The following COG4 variants were observed in gnomAD, a reference collection of about 807,000 sequenced individuals.
COG4 encodes the protein conserved oligomeric Golgi complex subunit 4.
COG4 carries 65 observed loss-of-function variants against 95.1 expected under a neutral mutation model. That is an observed-to-expected ratio of 0.68 (90% CI 0.56 to 0.84). COG4 has a LOEUF of 0.84. Ranked by LOEUF, COG4 falls within the 40% of genes least tolerant of loss-of-function variation. The pLI, the probability that COG4 is intolerant of heterozygous loss-of-function variation, is 0.00. For synonymous variants in COG4, 421 were observed against 374.8 expected, an observed-to-expected ratio of 1.12 and a Z score of -1.42; for missense variants, 1,045 against 989.1, an observed-to-expected ratio of 1.06 and a Z score of -0.76.
intron 1 of COG4, among the ~76,000 whole-genome samples, chr16:70,522,561 C>A (rs998303313): frequency 4.6e-5 from 7 of 152,220 alleles, no homozygotes; most frequent in Non-Finnish European, 1.0e-4. Context: ...AAGATATCAA[C>A]GATCACCTCT....
chr16:70,486,203 C>T (rs2049132355), intron 13 of COG4, among the ~76,000 whole-genome samples: 1 of 152,034 alleles, frequency 6.6e-6, no homozygotes, highest in South Asian at 2.1e-4. Context: ...CCCAGAATGC[C>T]TGTTTCTAAT....
At chr16:70,517,857 G>A (rs900360144) in intron 2 of COG4, 117 bp from the exon 3 acceptor site, 7 of 718,080 alleles carry the variant, frequency 9.7e-6, no homozygotes, top group Non-Finnish European at 1.8e-5. Flanking sequence ...GTAACTCTTA[G>A]CTCAGTTTGC....
rs752745532 is a variant in COG4 at position 70,497,368 on chromosome 16, T to C, written c.1334A>G (p.Tyr445Cys). The C allele has an allele frequency of 2.5e-5, 41 of 1,613,662 alleles. No homozygotes were observed. Among genetic ancestry groups the C allele is most frequent in the Non-Finnish European group, 2.7e-5 (32 of 1,180,016 alleles). ...TVNKAVALDT[Y>C]EKGQLTSSMV... is the part of the protein sequence containing the mutation. The stretch of plus-strand genomic sequence containing the variant: ...GCTGGATGTCAGCTGGCCCTTCTCA[T>C]AGGTGTCCAGAGCCACAGCCTACCC... Residue 445 changes from tyrosine to cysteine, a missense_variant, in exon 11 of 19, where the codon TAT (tyrosine) becomes TGT (cysteine). By Grantham distance (194) the Tyr-to-Cys change is radical. Transcript: ENST00000323786.
intron 2 of COG4, among the ~76,000 whole-genome samples, chr16:70,518,645 A>G (rs2049873748): frequency 6.6e-6 from 1 of 152,096 alleles, no homozygotes; most frequent in Non-Finnish European, 1.5e-5. Flanking sequence ...CAGCCAGGGA[A>G]CAATTTTTAT....
At chr16:70,491,168 A>G (rs1051965366) in intron 12 of COG4, among the ~76,000 whole-genome samples, 2 of 152,158 alleles carry the variant, frequency 1.3e-5, no homozygotes, top group African/African-American at 4.8e-5. Context: ...ATACCCCCAT[A>G]GAACACGTAT....
intron 1 of COG4, among the ~76,000 whole-genome samples, chr16:70,520,253 G>A (rs2049906993): frequency 6.6e-6 from 1 of 152,006 alleles, no homozygotes; most frequent in African/African-American, 2.4e-5. Context: ...GGATAACACG[G>A]TGAAACCCTG....
intron 3 of COG4, among the ~76,000 whole-genome samples, chr16:70,516,366 G>A (rs967083644): frequency 1.1e-4 from 16 of 150,932 alleles, no homozygotes; most frequent in East Asian, 3.9e-4. Flanking sequence ...GCGCCATCTC[G>A]GCTCACTGTA....
chr16:70,495,397 C>CAAAAAACAAAAAAAAAAAA (rs2049320524), intron 12 of COG4, among the ~76,000 whole-genome samples: 1 of 111,330 alleles, frequency 9.0e-6, no homozygotes, highest in African/African-American at 3.5e-5. Context: ...GACTCCATCT[C>CAAAAAACAAAAAAAAAAAA]AAAAAAAAAA....
At chr16:70,515,104 C>G (rs1237688893) in intron 3 of COG4, among the ~76,000 whole-genome samples, 1 of 151,734 alleles carries the variant, frequency 6.6e-6, no homozygotes, top group Non-Finnish European at 1.5e-5. Flanking sequence ...CAACCTCTGC[C>G]TCCTGGGTTC....
At position 70,482,325 on chromosome 16, in the gene COG4, C is replaced by G. The variant is rs9933510; in HGVS notation, c.1921-150G>C. 0.053 allele frequency: 37,170 copies of G among 707,098 alleles called. 9,124 individuals are homozygous for G. The African/African-American group carries it at 0.55, about 10-fold the overall frequency. The allele number at this position is 707,098 out of a possible 1,614,324, so 43.8% of individuals were successfully genotyped here. ...TCTAGTTTAAAACCAGCTCAGACACCCAGGCTGGCAGAAACTGACCAGCAA... is the reference window on the plus strand; with the variant it reads ...TCTAGTTTAAAACCAGCTCAGACACGCAGGCTGGCAGAAACTGACCAGCAA... On this transcript the variant is annotated intron_variant, in intron 15 of 18. Coordinates refer to ENST00000323786, the MANE Select transcript of COG4 (RefSeq NM_015386.3).
chr16:70,482,072 TCCCTAGGGC>T lies in COG4; in HGVS notation c.2004+11_2004+19del. The T allele has an allele frequency of 6.3e-7, 1 of 1,594,844 alleles. No homozygotes were observed. Among genetic ancestry groups the T allele is most frequent in the Non-Finnish European group, 8.6e-7 (1 of 1,162,588 alleles). On this transcript the variant is annotated intron_variant, in intron 16 of 18. Coordinates refer to ENST00000323786, the MANE Select transcript of COG4 (RefSeq NM_015386.3). ...TGACGTGGGTAATTCCCTAAGTGGATCCCTAGGGCCCCTGCTCACCTTGAACTCTGCCAT... is the reference window on the plus strand; with the variant it reads ...TGACGTGGGTAATTCCCTAAGTGGATCCCTGCTCACCTTGAACTCTGCCAT...
intron 11 of COG4, 85 bp from the exon 12 acceptor site, chr16:70,496,516 A>T: frequency 1.5e-6 from 2 of 1,374,094 alleles, no homozygotes; most frequent in East Asian, 2.3e-5. Context: ...ACTCTGACCC[A>T]GCAGCACAAG....
intron 8 of COG4, among the ~76,000 whole-genome samples, chr16:70,502,732 A>G (rs1355633897): frequency 6.6e-6 from 1 of 152,232 alleles, no homozygotes; most frequent in African/African-American, 2.4e-5. Flanking sequence ...TGAATAGCCA[A>G]AATAATCTTG....
intron 6 of COG4, among the ~76,000 whole-genome samples, chr16:70,509,617 T>C (rs1415338584): frequency 1.3e-5 from 2 of 152,208 alleles, no homozygotes; most frequent in Admixed American, 1.3e-4. Flanking sequence ...TGATACTGTT[T>C]TCTACAGCAG....
chr16:70,514,264 G>T, intron 4 of COG4, 71 bp downstream of exon 4: 1 of 1,391,402 alleles, frequency 7.2e-7, no homozygotes, highest in Non-Finnish European at 1.0e-6. Flanking sequence ...TGTTTTTATT[G>T]GTCGAGTCTG....
chr16:70,523,324 C>A (rs2049994054), intron 1 of COG4, 49 bp downstream of exon 1: 1 of 1,609,578 alleles, frequency 6.2e-7, no homozygotes, highest in Non-Finnish European at 8.5e-7. Flanking sequence ...ACTGAAGGCT[C>A]CCACTCTCCC....
intron 10 of COG4, 130 bp from the exon 11 acceptor site, chr16:70,497,517 G>A: frequency 1.2e-6 from 1 of 865,296 alleles, no homozygotes; most frequent in Non-Finnish European, 1.9e-6. Context: ...AACATGGCGT[G>A]CATCCTCCTT....
At chr16:70,495,420 G>GAAAAAAAAAAAAA (rs2049321907) in intron 12 of COG4, among the ~76,000 whole-genome samples, 1 of 144,736 alleles carries the variant, frequency 6.9e-6, no homozygotes, top group African/African-American at 2.8e-5. Flanking sequence ...AAAAGAATCT[G>GAAAAAAAAAAAAA]ATAAAAGCTA....
chr16:70,515,220 T>C (rs2049797581), intron 3 of COG4, among the ~76,000 whole-genome samples: 1 of 151,944 alleles, frequency 6.6e-6, no homozygotes, highest in African/African-American at 2.4e-5. Context: ...TTTGCCATGT[T>C]GCCCAAACCC....
Sources: allele counts gnomAD v4.1 joint callset (sites outside exome capture counted in the v4.1 genomes callset), GRCh38; gene constraint gnomAD v4.1.1; transcripts MANE v1.5; gene names NCBI Gene and HGNC (gene_info 2026-07-23, HGNC 2026-07-21).